Variants in RB1CC1 observed in about 807,000 individuals in gnomAD.
RB1CC1 encodes the protein RB1-inducible coiled-coil protein 1.
A neutral mutation model predicts 177.5 loss-of-function variants in RB1CC1; 46 were observed. That is an observed-to-expected ratio of 0.26 (90% CI 0.20 to 0.33). RB1CC1 has a LOEUF of 0.33. Among genes scored for constraint, RB1CC1 ranks in the 10% least tolerant of loss-of-function variants. The probability of loss-of-function intolerance (pLI) is 1.00; values close to 1 mark genes in which losing one functional copy is unlikely to be tolerated. For synonymous variants in RB1CC1, 666 were observed against 613.6 expected (o/e 1.09, Z -1.26); for missense variants, 1,703 against 1,816.3 (o/e 0.94, Z 1.13).
chr8:52,645,633 G>C (rs1849948432), intron 16 of RB1CC1, 69 bp downstream of exon 16: 2 of 1,478,852 alleles, frequency 1.4e-6, no homozygotes, highest in East Asian at 4.7e-5. Flanking sequence ...GCTACATAAA[G>C]AAATTATATT....
chr8:52,664,772 C>G (rs111444530), intron 8 of RB1CC1, among the ~76,000 whole-genome samples: 1 of 152,134 alleles, frequency 6.6e-6, no homozygotes, highest in African/African-American at 2.4e-5. Context: ...ATTATCACCC[C>G]AACCATACTC....
intron 18 of RB1CC1, among the ~76,000 whole-genome samples, chr8:52,637,460 C>A (rs1162851210): frequency 6.6e-6 from 1 of 152,092 alleles, no homozygotes; most frequent in African/African-American, 2.4e-5. Flanking sequence ...GCCTCAGCCT[C>A]CTGAGTAGCT....
intron 6 of RB1CC1, among the ~76,000 whole-genome samples, chr8:52,675,107 T>A (rs111284335): frequency 6.6e-6 from 1 of 152,166 alleles, no homozygotes; most frequent in African/African-American, 2.4e-5. Context: ...TACTTTAAAC[T>A]GATACAGCTA....
chr8:52,709,193 G>C (rs1431323152), intron 1 of RB1CC1, among the ~76,000 whole-genome samples: 2 of 152,010 alleles, frequency 1.3e-5, no homozygotes, highest in Admixed American at 6.5e-5. Context: ...GGCAACAAGA[G>C]TGAAACTCCA....
intron 8 of RB1CC1, among the ~76,000 whole-genome samples, chr8:52,665,666 A>G (rs946509781): frequency 6.6e-6 from 1 of 152,226 alleles, no homozygotes; most frequent in Non-Finnish European, 1.5e-5. Flanking sequence ...TGTCTCTAGT[A>G]ATGGTAGCCT....
chr8:52,679,713 T>G (rs1853518841), intron 5 of RB1CC1, among the ~76,000 whole-genome samples: 1 of 152,150 alleles, frequency 6.6e-6, no homozygotes, highest in African/African-American at 2.4e-5. Context: ...TCACGATAAT[T>G]TAGGTTCACA....
chr8:52,625,308 C>T (rs1222734669), intron 22 of RB1CC1, among the ~76,000 whole-genome samples: 3 of 151,934 alleles, frequency 2.0e-5, no homozygotes, highest in Admixed American at 2.0e-4. Context: ...AGTTGGTACT[C>T]AATAAATTAA....
At position 52,657,046 on chromosome 8, in the gene RB1CC1, T is replaced by C; in HGVS notation, c.2783A>G (p.Asn928Ser). The C allele has an allele frequency of 6.2e-7, 1 of 1,612,850 alleles. No homozygotes were observed. The highest frequency in any genetic ancestry group is 8.5e-7 in the Non-Finnish European group (1 of 1,179,758). Residue 928 changes from asparagine to serine, a missense_variant, in exon 15 of 24, where the codon AAT becomes AGT. This residue lies in a region of RB1CC1 where 1,169 missense variants were observed against 1,184.7 expected (regional missense o/e 0.99). Coordinates refer to ENST00000025008, the MANE Select transcript of RB1CC1 (RefSeq NM_014781.5). Reference protein sequence around the residue: ...HEKEAVICLQNEKDQKLLEME... With the variant: ...HEKEAVICLQSEKDQKLLEME... ...CTCTAACAACTTCTGATCCTTTTCA[T>C]TCTGCAGGCAGATTACAGCTTCTTT...
At chr8:52,646,630 G>T (rs906115628) in intron 15 of RB1CC1, among the ~76,000 whole-genome samples, 1 of 152,088 alleles carries the variant, frequency 6.6e-6, no homozygotes, top group Non-Finnish European at 1.5e-5. Context: ...ACTGAAAAGC[G>T]CTTACACGAA....
At chr8:52,701,490 ACT>A (rs1280692884) in intron 1 of RB1CC1, among the ~76,000 whole-genome samples, 1 of 151,888 alleles carries the variant, frequency 6.6e-6, no homozygotes, top group East Asian at 1.9e-4. Context: ...TTGCCTGAAC[ACT>A]CTGATCCAGT....
At chr8:52,645,580 A>G (rs1443749824) in intron 16 of RB1CC1, 122 bp downstream of exon 16, 4 of 1,024,912 alleles carry the variant, frequency 3.9e-6, no homozygotes, top group Non-Finnish European at 5.5e-6. Flanking sequence ...TATTAACAGG[A>G]TCAATGTAAG....
At chr8:52,689,840 A>G (rs74386246) in intron 1 of RB1CC1, among the ~76,000 whole-genome samples, 4,446 of 152,142 alleles carry the variant, frequency 0.029, 247 homozygotes, top group African/African-American at 0.1. Context: ...TCCAGACTCA[A>G]GAGAACTGCT....
chr8:52,669,793 A>T (rs1852391430), intron 7 of RB1CC1, among the ~76,000 whole-genome samples: 1 of 152,202 alleles, frequency 6.6e-6, no homozygotes, highest in African/African-American at 2.4e-5. Context: ...AACCTAGGCA[A>T]AATTACAATT....
intron 1 of RB1CC1, among the ~76,000 whole-genome samples, chr8:52,690,864 A>C (rs1256326191): frequency 6.6e-6 from 1 of 152,208 alleles, no homozygotes; most frequent in African/African-American, 2.4e-5. Flanking sequence ...ACATACGTAT[A>C]CACACAGGGA....
At chr8:52,658,581 A>G (rs950217493) in intron 13 of RB1CC1, among the ~76,000 whole-genome samples, 2,417 of 40,654 alleles carry the variant, frequency 0.059, 62 homozygotes, top group African/African-American at 0.29. Flanking sequence ...CGTCTCAAGA[A>G]AAAAAAAAAA....
intron 15 of RB1CC1, 146 bp downstream of exon 15, chr8:52,655,862 G>A: frequency 1.7e-6 from 1 of 580,892 alleles, no homozygotes; most frequent in Non-Finnish European, 2.8e-6. Flanking sequence ...AAGAAACACT[G>A]ACTAAAAAGT....
chr8:52,680,991 TGTG>T (rs1455134885), intron 5 of RB1CC1, among the ~76,000 whole-genome samples: 89 of 121,428 alleles, frequency 7.3e-4, no homozygotes, highest in Non-Finnish European at 1.1e-3. Flanking sequence ...TGTGTGTGTG[TGTG>T]TTTTTTTTTT....
intron 1 of RB1CC1, among the ~76,000 whole-genome samples, chr8:52,692,751 AT>A (rs1411998742): frequency 6.6e-6 from 1 of 152,110 alleles, no homozygotes; most frequent in Non-Finnish European, 1.5e-5. Flanking sequence ...CCCCTTGCAG[AT>A]TTTCTCCCTT....
chr8:52,646,266 C>T (rs1001642608), intron 15 of RB1CC1, among the ~76,000 whole-genome samples: 1 of 151,994 alleles, frequency 6.6e-6, no homozygotes. Context: ...AGTTTGAGAT[C>T]AGCCTGGCAA....
Sources: gnomAD v4.1 joint callset for allele counts (sites outside exome capture counted in the v4.1 genomes callset) on GRCh38, gnomAD v4.1.1 for gene constraint, gnomAD v4.1.1 regional missense constraint, MANE v1.5 for transcripts, NCBI Gene and HGNC (gene_info 2026-07-23, HGNC 2026-07-21) for gene names.